PUDP: variants seen among roughly 807,000 people sequenced by gnomAD.
PUDP encodes pseudouridine 5'-phosphatase, also known as pseudouridine-5'-phosphatase.
In PUDP, 8 loss-of-function variants were observed where a neutral mutation model predicts 9.4. The ratio of observed to expected loss-of-function variants is 0.85; its 90% CI spans 0.50 to 1.53. The LOEUF is 1.53. Among genes scored for constraint, PUDP ranks in the 40% most tolerant of loss-of-function variants. The pLI, the probability that PUDP is intolerant of heterozygous loss-of-function variation, is 0.00. For synonymous variants in PUDP, 99 were observed against 80.7 expected, an observed-to-expected ratio of 1.23 and a Z score of -1.22; for missense variants, 188 against 189.7, an observed-to-expected ratio of 0.99 and a Z score of 0.05.
At chrX:6,934,692 TG>T (rs1258920198) in intron 3 of PUDP, among the ~76,000 whole-genome samples, 1 of 95,903 alleles carries the variant, frequency 1.0e-5, no homozygotes, top group Admixed American at 1.2e-4. Flanking sequence ...ACTGGCAAAT[TG>T]GATAAAGAGT....
In PUDP at chrX:6,876,622, C is replaced by T. The variant is rs73190754; in HGVS notation, c.*247+100511G>A. On this transcript the variant is annotated intron_variant and NMD_transcript_variant, in intron 3 of 3. Transcript: ENST00000655425. ...TCCATCCTGGACCATAGAACAAGACCCTGCACCTAAAATGTTATGTGTGTG... is the reference window on the plus strand; with the variant it reads ...TCCATCCTGGACCATAGAACAAGACTCTGCACCTAAAATGTTATGTGTGTG... Among the ~76,000 whole-genome samples the T allele has an allele frequency of 7.6e-3, 729 of 95,754 alleles. 3 individuals carry two copies. Among genetic ancestry groups the T allele is most frequent in the Non-Finnish European group, 0.011 (534 of 47,607 alleles). 83.2% of individuals were successfully genotyped at this position (95,754 alleles called of 115,157 possible). A position where few individuals can be genotyped will look rare whatever the true frequency, so the allele number is the denominator to read the frequency against.
chrX:6,781,881 A>G (rs1925567787), intron 3 of PUDP, among the ~76,000 whole-genome samples: 1 of 112,349 alleles, frequency 8.9e-6, no homozygotes, highest in Admixed American at 9.4e-5. Flanking sequence ...GCCAAGGCTG[A>G]GAAACTCTGT....
chrX:6,834,971 G>A lies in PUDP; in HGVS notation c.*248-128505C>T, dbSNP rs750575778. ...TTCCGACACATGCTTTTCGGGGGAC[G>A]CATTCAAACCATAGCAAAAGGTGGT... On this transcript the variant is annotated intron_variant and NMD_transcript_variant, in intron 3 of 3. Transcript: ENST00000655425. Among the ~76,000 whole-genome samples, 62 of 111,198 alleles carry A rather than the reference G, an allele frequency of 5.6e-4. 2 individuals are homozygous for A. The highest frequency in any genetic ancestry group is 9.4e-4 in the Non-Finnish European group (50 of 53,054).
At chrX:7,024,244 T>C (rs765775849) in intron 1 of PUDP, among the ~76,000 whole-genome samples, 201 of 111,861 alleles carry the variant, frequency 1.8e-3, no homozygotes, top group Non-Finnish European at 3.0e-3. Flanking sequence ...ATGGTGAGAG[T>C]TGGCATTTCT....
intron 3 of PUDP, among the ~76,000 whole-genome samples, chrX:6,748,227 C>T (rs748400119): frequency 8.9e-6 from 1 of 111,974 alleles, no homozygotes; most frequent in African/African-American, 3.2e-5. Flanking sequence ...TGTACCAGAT[C>T]CATTTTTAGT....
At chrX:6,822,876 C>T (rs1348320173) in intron 3 of PUDP, among the ~76,000 whole-genome samples, 1 of 110,070 alleles carries the variant, frequency 9.1e-6, no homozygotes, top group Non-Finnish European at 1.9e-5. Context: ...CTCAGGTAGA[C>T]CCCAGTTCCC....
intron 2 of PUDP, among the ~76,000 whole-genome samples, chrX:7,095,216 G>A (rs1246282401): frequency 8.9e-6 from 1 of 112,276 alleles, no homozygotes. Context: ...TCCCCACCTG[G>A]GTTCGAGGCC....
intron 1 of PUDP, among the ~76,000 whole-genome samples, chrX:7,110,691 G>T (rs1328561204): frequency 9.0e-6 from 1 of 110,691 alleles, no homozygotes; most frequent in Admixed American, 9.6e-5. Flanking sequence ...ATAGGGGTGC[G>T]GCAGTTTTAT....
intron 3 of PUDP, among the ~76,000 whole-genome samples, chrX:6,751,271 A>G (rs1432802521): frequency 8.9e-6 from 1 of 112,376 alleles, no homozygotes; most frequent in East Asian, 2.8e-4. Flanking sequence ...CGTTCTTTAT[A>G]TGTTGAAAGG....
intron 3 of PUDP, among the ~76,000 whole-genome samples, chrX:6,747,347 C>T (rs180945206): frequency 3.2e-4 from 36 of 111,957 alleles, no homozygotes; most frequent in African/African-American, 1.1e-3. Context: ...CATCCTATGA[C>T]TCATCTTGAC....
chrX:6,976,512 C>T (rs1928958799), intron 3 of PUDP, among the ~76,000 whole-genome samples: 1 of 111,965 alleles, frequency 8.9e-6, no homozygotes, highest in Non-Finnish European at 1.9e-5. Context: ...TGTTTCTGCT[C>T]ACCCTCCATG....
At chrX:6,975,768 G>A (rs1282700366) in intron 3 of PUDP, among the ~76,000 whole-genome samples, 2 of 112,232 alleles carry the variant, frequency 1.8e-5, no homozygotes, top group Non-Finnish European at 3.8e-5. Context: ...GTTCTCTTCA[G>A]AGCCAGCAGG....
At chrX:6,727,969 T>C (rs913103235) in intron 3 of PUDP, among the ~76,000 whole-genome samples, 3 of 111,988 alleles carry the variant, frequency 2.7e-5, no homozygotes, top group African/African-American at 9.7e-5. Context: ...GTTTATTTGC[T>C]GTATTAGTCC....
intron 3 of PUDP, among the ~76,000 whole-genome samples, chrX:6,867,580 A>G (rs946942375): frequency 9.1e-6 from 1 of 109,599 alleles, no homozygotes; most frequent in African/African-American, 3.3e-5. Flanking sequence ...TGATGATGGT[A>G]GTGGTAGTGG....
At chrX:7,070,964 G>A (rs1358323812) in intron 3 of PUDP, among the ~76,000 whole-genome samples, 1 of 111,917 alleles carries the variant, frequency 8.9e-6, no homozygotes, top group Non-Finnish European at 1.9e-5. Context: ...CAGTTACAGA[G>A]GTCAGCTCAC....
intron 1 of PUDP, among the ~76,000 whole-genome samples, chrX:7,126,999 T>C (rs950264328): frequency 9.8e-5 from 11 of 111,754 alleles, no homozygotes; most frequent in Non-Finnish European, 1.9e-5. Context: ...ATGTATCTAA[T>C]TCTACCTAGG....
At chrX:6,776,969 T>C (rs1285601634) in intron 3 of PUDP, among the ~76,000 whole-genome samples, 1 of 112,637 alleles carries the variant, frequency 8.9e-6, no homozygotes, top group Non-Finnish European at 1.9e-5. Context: ...CGTTTAGACA[T>C]TTTTATCTTT....
At chrX:6,847,218 G>A (rs777061130) in intron 3 of PUDP, among the ~76,000 whole-genome samples, 6 of 111,385 alleles carry the variant, frequency 5.4e-5, no homozygotes, top group African/African-American at 2.0e-4. Context: ...AAGGCAGGTT[G>A]TCAGGAATTG....
At position 7,079,159 on chromosome X, in the gene PUDP, CAA is replaced by C. The variant is rs767477376; in HGVS notation, c.281-1712_281-1711del. Among the ~76,000 whole-genome samples the C allele has an allele frequency of 6.6e-4, 74 of 112,412 alleles. 1 individual carries two copies. The highest frequency in any genetic ancestry group is 2.3e-3 in the African/African-American group (71 of 31,053). ...AACTACATACCACATAACTATTGCT[CAA>C]AAGAGAGCCAGGTTACTTACATTAA... On this transcript the variant is annotated intron_variant, in intron 2 of 3. Transcript: ENST00000381077.
Sources: allele counts gnomAD v4.1 joint callset (sites outside exome capture counted in the v4.1 genomes callset), GRCh38; gene constraint gnomAD v4.1.1; transcripts MANE v1.5; gene names NCBI Gene and HGNC (gene_info 2026-07-23, HGNC 2026-07-21).